The following LARP1B variants were observed in gnomAD, a reference collection of about 807,000 sequenced individuals.
LARP1B encodes the protein la-related protein 1B.
LARP1B carries 76 observed loss-of-function variants against 114.2 expected under a neutral mutation model. The observed-to-expected ratio is 0.67, with a 90% CI of 0.55 to 0.81. The LOEUF is 0.81. Ranked by LOEUF, LARP1B falls within the 30% of genes least tolerant of loss-of-function variation. The pLI, the probability that LARP1B is intolerant of heterozygous loss-of-function variation, is 0.00. For synonymous variants in LARP1B, 345 were observed against 348.0 expected (o/e 0.99, Z 0.10); for missense variants, 1,014 against 1,075.8 (o/e 0.94, Z 0.80).
rs1161930434 is a variant in LARP1B, at chr4:128,156,006, A to G, written c.1525-6188A>G. The G allele has an allele frequency of 1.5e-5, 23 of 1,558,402 alleles. No homozygotes were observed. In the East Asian group the frequency reaches 5.2e-4, roughly 35 times the overall value. Reference sequence around the variant, plus strand: ...CTGTACCTTGTATCTCCCTTTCCCCAGGGCCTGTGCTTGAACCTGCGGCAC... The same window carrying G: ...CTGTACCTTGTATCTCCCTTTCCCCGGGGCCTGTGCTTGAACCTGCGGCAC... On this transcript the variant is annotated intron_variant, in intron 11 of 19. Coordinates refer to ENST00000326639, the MANE Select transcript of LARP1B (RefSeq NM_018078.4).
intron 5 of LARP1B, among the ~76,000 whole-genome samples, chr4:128,083,659 C>T (rs1476519280): frequency 9.9e-6 from 1 of 101,154 alleles, no homozygotes; most frequent in Non-Finnish European, 2.3e-5. Context: ...GGGCGGCTGG[C>T]CAGGTGGGGG....
intron 11 of LARP1B, among the ~76,000 whole-genome samples, chr4:128,160,810 G>A (rs541487682): frequency 2.0e-5 from 3 of 152,246 alleles, no homozygotes; most frequent in South Asian, 4.2e-4. Flanking sequence ...GTAATTAAAG[G>A]TACTTTAGTG....
intron 15 of LARP1B, among the ~76,000 whole-genome samples, chr4:128,191,111 A>ATT (rs369784737): frequency 0.53 from 79,174 of 149,232 alleles, 21,942 homozygotes; most frequent in Middle Eastern, 0.75. Context: ...GAGTTCCAGG[A>ATT]TTTTTTTTTT....
chr4:128,210,593 T>C lies in LARP1B; in HGVS notation c.*540T>C. ...AAAGAATATGAAATTATACCTTTAG[T>C]ATCCCTTTGAGACATATAGTTTAAA... On this transcript the variant is annotated 3_prime_UTR_variant, in exon 20 of 20. Coordinates refer to ENST00000326639, the MANE Select transcript of LARP1B (RefSeq NM_018078.4). 1 of 921,870 alleles carries C rather than the reference T, an allele frequency of 1.1e-6. No individual in the cohort carries two copies. Among genetic ancestry groups the C allele is most frequent in the South Asian group, 5.0e-5 (1 of 20,022 alleles). 57.1% of individuals were successfully genotyped at this position (921,870 alleles called of 1,614,324 possible).
intron 7 of LARP1B, among the ~76,000 whole-genome samples, chr4:128,093,674 A>T (rs1400883002): frequency 6.6e-6 from 1 of 151,946 alleles, no homozygotes; most frequent in Non-Finnish European, 1.5e-5. Flanking sequence ...ATGAGGCCTA[A>T]ACGTATTCAA....
At chr4:128,167,829 C>A (rs760537072) in intron 12 of LARP1B, among the ~76,000 whole-genome samples, 1 of 152,132 alleles carries the variant, frequency 6.6e-6, no homozygotes, top group East Asian at 1.9e-4. Flanking sequence ...TTTCTATTTT[C>A]TATCCCTATA....
At chr4:128,130,508 T>C (rs2150099775) in intron 11 of LARP1B, among the ~76,000 whole-genome samples, 1 of 152,300 alleles carries the variant, frequency 6.6e-6, no homozygotes, top group East Asian at 1.9e-4. Flanking sequence ...GTAGATTCAT[T>C]AGGAGTGCCA....
At position 128,178,662 on chromosome 4, in the gene LARP1B, A is replaced by G; in HGVS notation, c.1896+20A>G. On this transcript the variant is annotated intron_variant, in intron 14 of 19. Coordinates refer to ENST00000326639, the MANE Select transcript of LARP1B (RefSeq NM_018078.4). Reference sequence around the variant, plus strand: ...GTAAAGGTATACAAAACAACCAGGAATATAAGGCTTGCATTTTGTATCCTT... The same window carrying G: ...GTAAAGGTATACAAAACAACCAGGAGTATAAGGCTTGCATTTTGTATCCTT... The G allele has an allele frequency of 1.3e-6, 2 of 1,557,048 alleles. No homozygotes were observed. Among genetic ancestry groups the G allele is most frequent in the Non-Finnish European group, 1.8e-6 (2 of 1,129,564 alleles).
At chr4:128,091,256 GT>G (rs772711550) in intron 6 of LARP1B, 90 bp from the exon 7 acceptor site, 59 of 1,513,380 alleles carry the variant, frequency 3.9e-5, no homozygotes, top group East Asian at 1.8e-4. Context: ...ATGGTTTTAT[GT>G]TTGTTAACCT....
At chr4:128,206,352 C>T in intron 17 of LARP1B, 76 bp from the exon 18 acceptor site, 1 of 771,718 alleles carries the variant, frequency 1.3e-6, no homozygotes, top group South Asian at 2.4e-5. Flanking sequence ...TTAGTTGTGC[C>T]ATGTTTGCTT....
intron 11 of LARP1B, 92 bp downstream of exon 11, chr4:128,122,280 T>C: frequency 2.6e-6 from 4 of 1,536,920 alleles, no homozygotes; most frequent in Non-Finnish European, 3.5e-6. Context: ...CTCTATTTTA[T>C]GAAATGTTGA....
chr4:128,073,581 T>TG (rs1203119251), intron 1 of LARP1B, among the ~76,000 whole-genome samples: 22 of 21,310 alleles, frequency 1.0e-3, no homozygotes, highest in South Asian at 5.4e-3. Flanking sequence ...CGTTTTTTTT[T>TG]TTTTTTTTTT....
chr4:128,136,243 AG>A (rs1469245003), intron 11 of LARP1B, among the ~76,000 whole-genome samples: 2 of 151,790 alleles, frequency 1.3e-5, no homozygotes, highest in Admixed American at 1.3e-4. Context: ...CAGTGAGCTG[AG>A]ATTGCGCCAT....
intron 11 of LARP1B, chr4:128,123,117 C>T (rs1788531276): frequency 1.0e-6 from 1 of 985,274 alleles, no homozygotes; most frequent in African/African-American, 1.7e-5. Context: ...GGCTTCATAT[C>T]ATCAACAAGA....
intron 17 of LARP1B, among the ~76,000 whole-genome samples, chr4:128,202,433 A>G (rs984425328): frequency 6.6e-6 from 1 of 152,250 alleles, no homozygotes; most frequent in African/African-American, 2.4e-5. Context: ...TACAAATTTA[A>G]GAACTGTTTT....
intron 11 of LARP1B, among the ~76,000 whole-genome samples, chr4:128,160,276 T>G (rs930920023): frequency 6.6e-6 from 1 of 152,216 alleles, no homozygotes; most frequent in African/African-American, 2.4e-5. Flanking sequence ...ATCAGTCTCA[T>G]AAACATAATT....
chr4:128,161,666 T>A (rs10001048), intron 11 of LARP1B, among the ~76,000 whole-genome samples: 66,256 of 151,926 alleles, frequency 0.44, 15,792 homozygotes, highest in African/African-American at 0.62. Flanking sequence ...ATCTTTGCTC[T>A]CATTACCTAT....
intron 11 of LARP1B, among the ~76,000 whole-genome samples, chr4:128,135,247 T>C (rs1014249835): frequency 6.6e-6 from 1 of 152,170 alleles, no homozygotes; most frequent in African/African-American, 2.4e-5. Context: ...TTAGGATGGT[T>C]ACCATTTAAA....
In LARP1B at chr4:128,104,929, T is replaced by C. The variant is rs191517612; in HGVS notation, c.814-2210T>C. Among the ~76,000 whole-genome samples, 474 of 152,158 alleles carry C rather than the reference T, an allele frequency of 3.1e-3. 4 individuals are homozygous for C. The highest frequency in any genetic ancestry group is 0.011 in the African/African-American group (453 of 41,556). On this transcript the variant is annotated intron_variant, in intron 8 of 19. Transcript: ENST00000326639. ...TACCTTTTGTAGATACTGCTAAGCA[T>C]TTTTTTAAAGTATCAAACCAATCAA...
Sources: allele counts gnomAD v4.1 joint callset (sites outside exome capture counted in the v4.1 genomes callset), GRCh38; gene constraint gnomAD v4.1.1; transcripts MANE v1.5; gene names NCBI Gene and HGNC (gene_info 2026-07-23, HGNC 2026-07-21).